The following ELF2 variants were observed in gnomAD, a reference collection of about 807,000 sequenced individuals.
ELF2 encodes the protein ETS-related transcription factor Elf-2.
A neutral mutation model predicts 54.8 loss-of-function variants in ELF2; 11 were observed. The ratio of observed to expected loss-of-function variants is 0.20; its 90% CI spans 0.13 to 0.33. The LOEUF (loss-of-function observed/expected upper bound fraction) is 0.33, where lower values mean the gene tolerates loss of function less well. Among genes scored for constraint, ELF2 ranks in the 10% least tolerant of loss-of-function variants. The pLI is 1.00. For synonymous variants in ELF2, 203 were observed against 245.1 expected, an observed-to-expected ratio of 0.83 and a Z score of 1.61; for missense variants, 513 against 703.0, an observed-to-expected ratio of 0.73 and a Z score of 3.06.
chr4:139,156,854 G>A (rs1326230066), intron 1 of ELF2, among the ~76,000 whole-genome samples: 2 of 151,688 alleles, frequency 1.3e-5, no homozygotes, highest in East Asian at 2.0e-4. Flanking sequence ...GGCTGGTCTC[G>A]AACTCCTGAC....
intron 1 of ELF2, among the ~76,000 whole-genome samples, chr4:139,165,916 A>G (rs1036618619): frequency 1.3e-5 from 2 of 152,260 alleles, no homozygotes; most frequent in African/African-American, 2.4e-5. Context: ...GTCATCAGTC[A>G]TAATTCTAGT....
At chr4:139,064,882 AAAAACAAAAC>A (rs932271104) in intron 7 of ELF2, among the ~76,000 whole-genome samples, 10 of 152,270 alleles carry the variant, frequency 6.6e-5, no homozygotes, top group Non-Finnish European at 1.0e-4. Context: ...CTCCACCTCA[AAAAACAAAAC>A]AAAACAAAAC....
At position 139,174,704 on chromosome 4, in the gene ELF2, A is replaced by G. The variant is rs571519911; in HGVS notation, c.-252+2263T>C. Among the ~76,000 whole-genome samples the G allele has an allele frequency of 1.1e-4, 17 of 152,314 alleles. No individual in the cohort carries two copies. In the South Asian group the frequency reaches 2.7e-3, roughly 24 times the overall value. ...ACTATTTACATAGCATCCACATTGT[A>G]TTAGGTAGTATGAGTGATGTGGAGA... On this transcript the variant is annotated intron_variant, in intron 1 of 9. Coordinates refer to ENST00000686138, the MANE Select transcript of ELF2 (RefSeq NM_001331036.3).
intron 4 of ELF2, among the ~76,000 whole-genome samples, chr4:139,109,298 A>G (rs1238390110): frequency 6.6e-6 from 1 of 152,208 alleles, no homozygotes; most frequent in Non-Finnish European, 1.5e-5. Context: ...TTAAAAAATT[A>G]AAACCTAGTT....
intron 4 of ELF2, among the ~76,000 whole-genome samples, chr4:139,119,823 G>A (rs1251746436): frequency 6.6e-6 from 1 of 152,104 alleles, no homozygotes; most frequent in African/African-American, 2.4e-5. Flanking sequence ...TGCCCAGGCT[G>A]GAGTGCAGTG....
chr4:139,100,773 T>C (rs544990073), intron 4 of ELF2: 2 of 152,252 alleles, frequency 1.3e-5, no homozygotes, highest in Admixed American at 1.3e-4. Flanking sequence ...TAGAATCCAC[T>C]GAAAGATTTT....
rs182973594 is a variant in ELF2, at chr4:139,121,147, C to T, written c.238+4017G>A. Among the ~76,000 whole-genome samples the T allele has an allele frequency of 7.5e-3, 855 of 113,414 alleles. 11 individuals are homozygous for T. The highest frequency in any genetic ancestry group is 0.028 in the African/African-American group (808 of 29,088). The allele number at this position is 113,414 out of a possible 152,430, so 74.4% of individuals were successfully genotyped here. Reference sequence around the variant, plus strand: ...TTTTTGAGACGGAGTCTTGCTCTGTCGCCCAGGCTGGAGTGCAGTGGCGCG... The same window carrying T: ...TTTTTGAGACGGAGTCTTGCTCTGTTGCCCAGGCTGGAGTGCAGTGGCGCG... On this transcript the variant is annotated intron_variant, in intron 4 of 9. Coordinates refer to ENST00000686138, the MANE Select transcript of ELF2 (RefSeq NM_001331036.3).
At position 139,125,223 on chromosome 4, in the gene ELF2, G is replaced by A. The variant is rs768503644; in HGVS notation, c.179C>T (p.Thr60Ile). The A allele has an allele frequency of 3.1e-6, 5 of 1,613,778 alleles. No homozygotes were observed. In the South Asian group the frequency reaches 3.3e-5, roughly 11 times the overall value. The change falls in exon 4 of 10, where the codon ACT becomes ATT. Residue 60 changes from threonine (T) to isoleucine (I), a missense_variant. By Grantham distance (89) the Thr-to-Ile change is moderately conservative. This residue lies in a region of ELF2 where 203 missense variants were observed against 245.9 expected (regional missense o/e 0.83). Transcript: ENST00000686138. Reference protein sequence around the residue: ...AAQVLVYDDETYMMQDVAEEQ... With the variant: ...AAQVLVYDDEIYMMQDVAEEQ... The stretch of plus-strand genomic sequence containing the variant: ...TTCTGCCACATCTTGCATCATATAA[G>A]TCTCATCATCATAAACCAGAACCTG...
intron 3 of ELF2, 42 bp downstream of exon 3, chr4:139,137,588 T>G: frequency 6.3e-7 from 1 of 1,595,608 alleles, no homozygotes; most frequent in East Asian, 2.2e-5. Flanking sequence ...ATGCACAAAT[T>G]TCTATGAAGA....
intron 1 of ELF2, among the ~76,000 whole-genome samples, chr4:139,152,135 T>C (rs923022686): frequency 3.9e-5 from 6 of 152,326 alleles, no homozygotes; most frequent in Middle Eastern, 3.4e-3. Flanking sequence ...ATTATCTTCA[T>C]TGTGGTGGTG....
At chr4:139,080,279 T>A (rs1730919210) in intron 4 of ELF2, among the ~76,000 whole-genome samples, 1 of 152,226 alleles carries the variant, frequency 6.6e-6, no homozygotes, top group South Asian at 2.1e-4. Flanking sequence ...TTTCTTAAAT[T>A]CATTTTCAAA....
At chr4:139,144,097 G>T (rs1266176481) in intron 1 of ELF2, among the ~76,000 whole-genome samples, 2 of 151,956 alleles carry the variant, frequency 1.3e-5, no homozygotes, top group African/African-American at 2.4e-5. Flanking sequence ...ATGGAAAAAC[G>T]GAAACCACAG....
At chr4:139,177,914 G>A (rs1488374273), upstream of ELF2, among the ~76,000 whole-genome samples, 4 of 152,072 alleles carry the variant, frequency 2.6e-5, no homozygotes, top group Non-Finnish European at 5.9e-5. Flanking sequence ...TTAGTGAAAG[G>A]TGGGGGTTCG....
chr4:139,081,098 T>C (rs1332524179), intron 4 of ELF2, among the ~76,000 whole-genome samples: 1 of 152,116 alleles, frequency 6.6e-6, no homozygotes, highest in East Asian at 1.9e-4. Context: ...CACTAGCTAG[T>C]TTAGTGACAG....
At chr4:139,074,237 A>G (rs1205426233) in intron 4 of ELF2, among the ~76,000 whole-genome samples, 4 of 152,192 alleles carry the variant, frequency 2.6e-5, no homozygotes, top group Admixed American at 6.5e-5. Flanking sequence ...GGCCAATACT[A>G]ACTTGTGGGA....
At chr4:139,083,119 A>G (rs541730369) in intron 4 of ELF2, among the ~76,000 whole-genome samples, 4 of 151,738 alleles carry the variant, frequency 2.6e-5, no homozygotes, top group African/African-American at 9.7e-5. Flanking sequence ...GATTGGAACC[A>G]GAGGCCTGTC....
At chr4:139,077,024 G>A (rs1300502261) in intron 4 of ELF2, among the ~76,000 whole-genome samples, 1 of 151,908 alleles carries the variant, frequency 6.6e-6, no homozygotes, top group Non-Finnish European at 1.5e-5. Context: ...AATACTCTAC[G>A]TACAACTGAC....
intron 4 of ELF2, among the ~76,000 whole-genome samples, chr4:139,080,100 T>C (rs1422152694): frequency 2.6e-5 from 4 of 152,192 alleles, no homozygotes; most frequent in Admixed American, 2.6e-4. Flanking sequence ...TTTAAATAGT[T>C]ATCAAGAACA....
chr4:139,148,899 G>C (rs1739552829), intron 1 of ELF2, among the ~76,000 whole-genome samples: 1 of 152,150 alleles, frequency 6.6e-6, no homozygotes, highest in African/African-American at 2.4e-5. Flanking sequence ...AAAATGTTTA[G>C]GTAATTTGTT....
Sources: allele counts gnomAD v4.1 joint callset (sites outside exome capture counted in the v4.1 genomes callset), GRCh38; gene constraint gnomAD v4.1.1; regional missense constraint gnomAD v4.1.1; transcripts MANE v1.5; gene names NCBI Gene and HGNC (gene_info 2026-07-23, HGNC 2026-07-21).